THEMIS: variants seen among roughly 807,000 people sequenced by gnomAD.
The protein encoded by THEMIS is thymocyte selection associated, also known as protein THEMIS.
In THEMIS, 37 loss-of-function variants were observed where a neutral mutation model predicts 52.6. That is an observed-to-expected ratio of 0.70 (90% CI 0.54 to 0.93). The LOEUF is 0.93. Ranked by LOEUF, THEMIS falls within the 40% of genes least tolerant of loss-of-function variation. The pLI, the probability that THEMIS is intolerant of heterozygous loss-of-function variation, is 0.00. For missense variants in THEMIS, 808 were observed against 763.1 expected, an observed-to-expected ratio of 1.06 and a Z score of -0.69; for synonymous variants, 292 against 272.7, an observed-to-expected ratio of 1.07 and a Z score of -0.70.
At chr6:127,844,656 G>T (rs1206635616) in intron 2 of THEMIS, among the ~76,000 whole-genome samples, 1 of 151,850 alleles carries the variant, frequency 6.6e-6, no homozygotes, top group Non-Finnish European at 1.5e-5. Flanking sequence ...TCATGACTAA[G>T]AGAATATGTT....
intron 3 of THEMIS, among the ~76,000 whole-genome samples, chr6:127,823,988 G>GA (rs1026971232): frequency 3.9e-5 from 6 of 152,054 alleles, no homozygotes; most frequent in African/African-American, 1.5e-4. Context: ...AAAATCCAAA[G>GA]AAAAATGAAC....
intron 1 of THEMIS, among the ~76,000 whole-genome samples, chr6:127,867,504 G>A (rs1780020163): frequency 6.6e-6 from 1 of 152,084 alleles, no homozygotes; most frequent in Non-Finnish European, 1.5e-5. Flanking sequence ...ATTTCAGCTA[G>A]TGAGAAAGAG....
At chr6:127,701,610 G>A in the THEMIS span, among the ~76,000 whole-genome samples, 1 of 152,130 alleles carries the variant, frequency 6.6e-6, no homozygotes, top group Admixed American at 6.5e-5. Context: ...TTAGGAGACA[G>A]TGCCAAACAG....
At chr6:127,836,053 A>C (rs1334566179) in intron 2 of THEMIS, among the ~76,000 whole-genome samples, 1 of 152,190 alleles carries the variant, frequency 6.6e-6, no homozygotes, top group East Asian at 1.9e-4. Context: ...TTGAACAAAG[A>C]AAACAGCAAA....
chr6:127,703,068 G>T, the THEMIS span, among the ~76,000 whole-genome samples: 5 of 27,500 alleles, frequency 1.8e-4, no homozygotes, highest in East Asian at 6.1e-4. Context: ...TTTTTTTTGA[G>T]ACGGAGTCTC....
chr6:127,815,011 T>A (rs1015226879), intron 3 of THEMIS, among the ~76,000 whole-genome samples: 7 of 151,980 alleles, frequency 4.6e-5, no homozygotes, highest in Admixed American at 3.9e-4. Context: ...TTAGAAAAAA[T>A]TAGCTGAATC....
intron 2 of THEMIS, among the ~76,000 whole-genome samples, chr6:127,847,152 A>G (rs1779242363): frequency 6.6e-6 from 1 of 151,952 alleles, no homozygotes; most frequent in Non-Finnish European, 1.5e-5. Context: ...TAAAAGCCAC[A>G]TATGACAAAC....
chr6:127,769,816 C>A (rs1776320173), intron 4 of THEMIS, among the ~76,000 whole-genome samples: 1 of 152,090 alleles, frequency 6.6e-6, no homozygotes, highest in African/African-American at 2.4e-5. Context: ...TGTTCCCCAC[C>A]CTGTGTCCAA....
At position 127,758,620 on chromosome 6, in the gene THEMIS, T is replaced by C. The variant is rs180850872; in HGVS notation, c.1759-38797A>G. On this transcript the variant is annotated intron_variant, in intron 4 of 5. Coordinates refer to ENST00000368248, the MANE Select transcript of THEMIS (RefSeq NM_001010923.3). ...CTTAATGTAAGCTAAAGGTGTAACATTAAAGTTGAAAAAAGTAAAAGATCT... is the reference window on the plus strand; with the variant it reads ...CTTAATGTAAGCTAAAGGTGTAACACTAAAGTTGAAAAAAGTAAAAGATCT... 8.4e-4 allele frequency among the ~76,000 whole-genome samples: 127 copies of C among 151,690 alleles called. 1 individual carries two copies. The highest frequency in any genetic ancestry group is 3.4e-3 in the Middle Eastern group (1 of 292).
At chr6:127,855,970 G>A (rs528191310) in intron 1 of THEMIS, among the ~76,000 whole-genome samples, 1 of 152,004 alleles carries the variant, frequency 6.6e-6, no homozygotes, top group South Asian at 2.1e-4. Flanking sequence ...TCTACCCCCA[G>A]TGAAAAGGAA....
rs927913275 is a variant in THEMIS, at chr6:127,709,684, A to T, written c.*301T>A. On this transcript the variant is annotated 3_prime_UTR_variant, in exon 6 of 6. Coordinates refer to ENST00000368248, the MANE Select transcript of THEMIS (RefSeq NM_001010923.3). ...ATACAGAATTATTTCCCAATTACTT[A>T]GTTGTTGGTAGTAGAAATAAGAATC... The T allele has an allele frequency of 3.8e-6, 1 of 261,576 alleles. No individual in the cohort carries two copies. The highest frequency in any genetic ancestry group is 2.2e-5 in the African/African-American group (1 of 45,398). The allele number at this position is 261,576 out of a possible 1,614,324, so 16.2% of individuals were successfully genotyped here.
chr6:127,803,946 T>C (rs1583295580), intron 4 of THEMIS, among the ~76,000 whole-genome samples: 1 of 152,174 alleles, frequency 6.6e-6, no homozygotes, highest in Non-Finnish European at 1.5e-5. Flanking sequence ...AAAAATGACA[T>C]TTACACATAT....
chr6:127,761,825 A>G (rs1776031979), intron 4 of THEMIS, among the ~76,000 whole-genome samples: 2 of 152,130 alleles, frequency 1.3e-5, no homozygotes, highest in Admixed American at 1.3e-4. Flanking sequence ...TAGCACAGCC[A>G]TTATGGAAAA....
At chr6:127,791,719 G>A (rs544803058) in intron 4 of THEMIS, among the ~76,000 whole-genome samples, 5 of 152,118 alleles carry the variant, frequency 3.3e-5, no homozygotes, top group African/African-American at 7.2e-5. Flanking sequence ...GCAAGACTGC[G>A]CTGAGCCACC....
At chr6:127,802,240 T>C (rs1231085573) in intron 4 of THEMIS, among the ~76,000 whole-genome samples, 1 of 151,986 alleles carries the variant, frequency 6.6e-6, no homozygotes, top group Non-Finnish European at 1.5e-5. Context: ...GCTGGGAGGG[T>C]CCAGAAGATA....
intron 4 of THEMIS, among the ~76,000 whole-genome samples, chr6:127,756,672 T>A (rs1170181988): frequency 6.6e-6 from 1 of 152,200 alleles, no homozygotes; most frequent in East Asian, 1.9e-4. Context: ...AATATGCAGG[T>A]CAAATTAATT....
intron 4 of THEMIS, among the ~76,000 whole-genome samples, chr6:127,744,318 A>G (rs1055473175): frequency 6.6e-6 from 1 of 152,008 alleles, no homozygotes; most frequent in African/African-American, 2.4e-5. Context: ...ATACTGCATC[A>G]CCTCCAAGAA....
intron 1 of THEMIS, among the ~76,000 whole-genome samples, chr6:127,896,278 T>A (rs1481958450): frequency 1.3e-5 from 2 of 150,864 alleles, no homozygotes; most frequent in Non-Finnish European, 3.0e-5. Context: ...GCAAAATCCA[T>A]CAATATTCAC....
In THEMIS at chr6:127,829,679, T is replaced by C. The variant is rs1175119698; in HGVS notation, c.506A>G (p.Gln169Arg). 1 of 1,614,120 alleles carries C rather than the reference T, an allele frequency of 6.2e-7. No individual in the cohort carries two copies. Among genetic ancestry groups the C allele is most frequent in the Admixed American group, 1.7e-5 (1 of 60,026 alleles). Residue 169 changes from glutamine (Q) to arginine (R), a missense_variant, in exon 3 of 6, where the codon CAA becomes CGA. By Grantham distance (43) the Gln-to-Arg change is conservative. Transcript: ENST00000368248. ...TTCACACTCGTAGAATTCTCCTTCT[T>C]GTGACAAAGGCAAATTAAATGAGTG... The part of the protein sequence containing the change: ...QTHSFNLPLS[Q>R]EGEFYECEDE...
Sources: gnomAD v4.1 joint callset for allele counts (sites outside exome capture counted in the v4.1 genomes callset) on GRCh38, gnomAD v4.1.1 for gene constraint, MANE v1.5 for transcripts, NCBI Gene and HGNC (gene_info 2026-07-23, HGNC 2026-07-21) for gene names.